PAK5: variants seen among roughly 807,000 people sequenced by gnomAD.
The protein encoded by PAK5 is serine/threonine-protein kinase PAK 5.
A neutral mutation model predicts 65.9 loss-of-function variants in PAK5; 16 were observed. The observed-to-expected ratio is 0.24, with a 90% confidence interval of 0.16 to 0.37. PAK5 has a LOEUF of 0.37. Among genes scored for constraint, PAK5 ranks in the 10% least tolerant of loss-of-function variants. PAK5 has a pLI of 1.00. For synonymous variants in PAK5, 371 were observed against 354.9 expected (o/e 1.05, Z -0.51); for missense variants, 785 against 903.9 (o/e 0.87, Z 1.69).
chr20:9,814,764 G>A (rs910439456), intron 1 of PAK5, among the ~76,000 whole-genome samples: 1 of 152,132 alleles, frequency 6.6e-6, no homozygotes, highest in Non-Finnish European at 1.5e-5. Context: ...CATATTTTGA[G>A]CATTTGTGCA....
chr20:9,595,546 T>G (rs551159996), intron 3 of PAK5, among the ~76,000 whole-genome samples: 7 of 152,298 alleles, frequency 4.6e-5, no homozygotes, highest in African/African-American at 1.7e-4. Context: ...TAGTTATATC[T>G]TAGATAAAGC....
Position 9,816,793 on chromosome 20 carries a change from C to T in PAK5, c.-162+21969G>A, listed in dbSNP as rs2049362510. ...ATACCTTATAATAAATCTCCTTTCT[C>T]CAGAGAACCCTGACTAGTACAGCAG... On this transcript the variant is annotated intron_variant, in intron 1 of 9. Transcript: ENST00000353224. 2.6e-5 allele frequency among the ~76,000 whole-genome samples: 4 copies of T among 152,236 alleles called. No individual in the cohort carries two copies. In the South Asian group the frequency reaches 8.3e-4, roughly 32 times the overall value.
intron 2 of PAK5, among the ~76,000 whole-genome samples, chr20:9,670,123 A>G (rs1320612639): frequency 2.6e-5 from 4 of 152,154 alleles, no homozygotes; most frequent in Admixed American, 2.6e-4. Flanking sequence ...ATGGCTGCAT[A>G]GTATTCCATG....
At chr20:9,621,888 A>G (rs1187150255) in intron 3 of PAK5, among the ~76,000 whole-genome samples, 3 of 152,252 alleles carry the variant, frequency 2.0e-5, no homozygotes, top group Non-Finnish European at 4.4e-5. Context: ...CCATGGTGCC[A>G]TTGATACTCC....
At chr20:9,714,756 C>T (rs1176742906) in intron 1 of PAK5, among the ~76,000 whole-genome samples, 1 of 152,160 alleles carries the variant, frequency 6.6e-6, no homozygotes, top group Non-Finnish European at 1.5e-5. Context: ...CTACAACCAT[C>T]TGATCTTTGA....
chr20:9,691,914 A>G (rs2047803154), intron 2 of PAK5, among the ~76,000 whole-genome samples: 1 of 152,208 alleles, frequency 6.6e-6, no homozygotes, highest in Non-Finnish European at 1.5e-5. Flanking sequence ...TTGACAGGCA[A>G]TCACAGCCCT....
chr20:9,746,542 T>C (rs1261977530), intron 1 of PAK5, among the ~76,000 whole-genome samples: 2 of 152,046 alleles, frequency 1.3e-5, no homozygotes, highest in Non-Finnish European at 2.9e-5. Flanking sequence ...CAGACCAAGA[T>C]CTAAAGCCGT....
At chr20:9,641,795 G>T (rs1478092198) in intron 3 of PAK5, among the ~76,000 whole-genome samples, 1 of 152,238 alleles carries the variant, frequency 6.6e-6, no homozygotes, top group East Asian at 1.9e-4. Flanking sequence ...CGGCACTGCT[G>T]GGGGACTCAG....
At chr20:9,627,480 G>C (rs968973982) in intron 3 of PAK5, among the ~76,000 whole-genome samples, 13 of 152,138 alleles carry the variant, frequency 8.5e-5, no homozygotes, top group Non-Finnish European at 2.9e-5. Context: ...TTCATGGTAG[G>C]AGCAATGGCC....
chr20:9,741,777 T>C (rs2048453311), intron 1 of PAK5, among the ~76,000 whole-genome samples: 1 of 152,038 alleles, frequency 6.6e-6, no homozygotes. Context: ...CTAACTTAGT[T>C]AAGACCTGGG....
chr20:9,821,871 C>T (rs1225998474), intron 1 of PAK5, among the ~76,000 whole-genome samples: 1 of 152,180 alleles, frequency 6.6e-6, no homozygotes, highest in Non-Finnish European at 1.5e-5. Context: ...TATTCTCCAG[C>T]TTTCCCAAGT....
chr20:9,741,429 G>A (rs1265124716), intron 1 of PAK5, among the ~76,000 whole-genome samples: 5 of 152,042 alleles, frequency 3.3e-5, no homozygotes, highest in Non-Finnish European at 4.4e-5. Context: ...TGTCTAGCAC[G>A]GTTAGCAATA....
chr20:9,674,569 T>G (rs898473155), intron 2 of PAK5, among the ~76,000 whole-genome samples: 1 of 152,222 alleles, frequency 6.6e-6, no homozygotes, highest in Non-Finnish European at 1.5e-5. Context: ...TGGAACAGGC[T>G]GAGATGTCCT....
chr20:9,605,177 G>A (rs1224283744), intron 3 of PAK5, among the ~76,000 whole-genome samples: 2 of 152,216 alleles, frequency 1.3e-5, no homozygotes, highest in East Asian at 1.9e-4. Context: ...TCAGAGAAGC[G>A]GGGGTATTTA....
intron 7 of PAK5, among the ~76,000 whole-genome samples, chr20:9,557,135 T>G (rs934574431): frequency 1.3e-5 from 2 of 152,178 alleles, no homozygotes; most frequent in African/African-American, 2.4e-5. Flanking sequence ...TCATACACTA[T>G]TCCTTATGAT....
At chr20:9,809,133 A>G (rs909335063) in intron 1 of PAK5, among the ~76,000 whole-genome samples, 2 of 152,114 alleles carry the variant, frequency 1.3e-5, no homozygotes, top group South Asian at 4.1e-4. Flanking sequence ...AAACATCATC[A>G]ACATCATCTC....
rs557920816 is a variant in PAK5 at position 9,753,875 on chromosome 20, AGACTTCACC to A, written c.-161-42449_-161-42441del. ...GCTCCTCATGGATCAAGCTGAGGCT[AGACTTCACC>A]TGAGCCCTTATTTTGTGCTTGGCTT... is the stretch of plus-strand genomic sequence containing the variant. On this transcript the variant is annotated intron_variant, in intron 1 of 9. Coordinates refer to ENST00000353224, the MANE Select transcript of PAK5 (RefSeq NM_177990.4). Among the ~76,000 whole-genome samples, 135 of 152,254 alleles carry A rather than the reference AGACTTCACC, an allele frequency of 8.9e-4. 1 individual carries two copies. Among genetic ancestry groups the A allele is most frequent in the South Asian group, 4.8e-3 (23 of 4,820 alleles).
At chr20:9,673,430 T>C (rs1276092227) in intron 2 of PAK5, among the ~76,000 whole-genome samples, 1 of 152,218 alleles carries the variant, frequency 6.6e-6, no homozygotes, top group Admixed American at 6.5e-5. Context: ...ATGGAGGTTT[T>C]GAGCACTGGA....
At chr20:9,823,889 C>CTT (rs34836860) in intron 1 of PAK5, among the ~76,000 whole-genome samples, 30 of 151,874 alleles carry the variant, frequency 2.0e-4, no homozygotes, top group Admixed American at 3.9e-4. Flanking sequence ...TACTTTTTAC[C>CTT]TTTTTTTTGT....
Sources: gnomAD v4.1 joint callset for allele counts (sites outside exome capture counted in the v4.1 genomes callset) on GRCh38, gnomAD v4.1.1 for gene constraint, MANE v1.5 for transcripts, NCBI Gene and HGNC (gene_info 2026-07-23, HGNC 2026-07-21) for gene names.